FAM53B: variants seen among roughly 807,000 people sequenced by gnomAD.
FAM53B encodes the protein family with sequence similarity 53 member B.
Under a neutral mutation model 32.7 loss-of-function variants are expected in FAM53B, and 12 were observed. The observed-to-expected ratio is 0.37, with a 90% CI of 0.24 to 0.59. FAM53B has a LOEUF of 0.59. FAM53B is among the 20% of genes least tolerant of loss of function. The pLI, the probability that FAM53B is intolerant of heterozygous loss-of-function variation, is 0.72. For synonymous variants in FAM53B, 234 were observed against 228.7 expected (o/e 1.02, Z -0.21); for missense variants, 477 against 577.7 (o/e 0.83, Z 1.79).
At chr10:124,667,514 T>TC in intron 4 of FAM53B, 1 of 713,738 alleles carries the variant, frequency 1.4e-6, no homozygotes, top group Admixed American at 2.0e-5. Flanking sequence ...GGCCTGGCAC[T>TC]CCACCTGTGT....
Position 124,699,862 on chromosome 10 carries a change from G to A in FAM53B, c.79-3650C>T, listed in dbSNP as rs113658626. ...CTGCCCGTGAGCACCTGCTTCTAAA[G>A]TCCTCCCAGCTGCTCCCACCCTGCC... On this transcript the variant is annotated intron_variant, in intron 2 of 4. Transcript: ENST00000337318. Among the ~76,000 whole-genome samples, 1,499 of 152,312 alleles carry A rather than the reference G, an allele frequency of 9.8e-3. 27 individuals are homozygous for A. Among genetic ancestry groups the A allele is most frequent in the African/African-American group, 0.034 (1,431 of 41,558 alleles).
At chr10:124,715,694 T>G (rs1950034977) in intron 1 of FAM53B, among the ~76,000 whole-genome samples, 1 of 152,216 alleles carries the variant, frequency 6.6e-6, no homozygotes, top group Admixed American at 6.5e-5. Flanking sequence ...GCACTGAACT[T>G]GAGTCCACGC....
chr10:124,696,260 T>C lies in FAM53B; in HGVS notation c.79-48A>G, dbSNP rs750654168. On this transcript the variant is annotated intron_variant, in intron 2 of 4. Transcript: ENST00000337318. ...TTCACTCTTCAAATCATAGGAAGCA[T>C]GTTTGCACTGACTCTACTGATCCCT... 8.7e-6 allele frequency: 13 copies of C among 1,487,698 alleles called. No homozygotes were observed. In the South Asian group the frequency reaches 1.1e-4, roughly 13 times the overall value. 92.2% of individuals were successfully genotyped at this position (1,487,698 alleles called of 1,614,324 possible). A position where few individuals can be genotyped will look rare whatever the true frequency, so the allele number is the denominator to read the frequency against.
chr10:124,730,501 T>C (rs1950135743), intron 1 of FAM53B, among the ~76,000 whole-genome samples: 1 of 152,240 alleles, frequency 6.6e-6, no homozygotes, highest in Non-Finnish European at 1.5e-5. Context: ...TTTTCAATTC[T>C]GTGTTTTGGG....
Position 124,623,531 on chromosome 10 carries a change from G to C in FAM53B, c.980C>G (p.Ala327Gly). The C allele has an allele frequency of 1.3e-6, 2 of 1,555,502 alleles. No individual in the cohort carries two copies. Among genetic ancestry groups the C allele is most frequent in the Non-Finnish European group, 1.7e-6 (2 of 1,151,454 alleles). ...GGCCCTGGTGTTGCTGACGTGGCGG[G>C]CGAAGGGGCTCTGGGGACCGCAGTC... ...TEDCGPQSPF[A>G]RHVSNTRAWT... Residue 327 changes from alanine to glycine, a missense_variant, in exon 5 of 5, where the codon GCC (alanine) becomes GGC (glycine). Physicochemically the swap from Ala to Gly is moderately conservative, Grantham distance 60. Around this residue, in one of 2 missense-constraint regions of FAM53B, gnomAD observed 165 missense variants for 157.5 expected, o/e 1.05. Coordinates refer to ENST00000337318, the MANE Select transcript of FAM53B (RefSeq NM_014661.4).
At chr10:124,638,028 A>AT (rs1310111310) in intron 4 of FAM53B, among the ~76,000 whole-genome samples, 1 of 152,196 alleles carries the variant, frequency 6.6e-6, no homozygotes, top group African/African-American at 2.4e-5. Flanking sequence ...AGGTGGCTGA[A>AT]TGAAGGACTG....
At chr10:124,710,422 T>A (rs1949993232) in intron 1 of FAM53B, among the ~76,000 whole-genome samples, 1 of 152,200 alleles carries the variant, frequency 6.6e-6, no homozygotes, top group South Asian at 2.1e-4. Flanking sequence ...GTGAGGCGAA[T>A]CCAGACCAGC....
intron 3 of FAM53B, among the ~76,000 whole-genome samples, chr10:124,694,039 C>G (rs1359137351): frequency 6.6e-6 from 1 of 152,334 alleles, no homozygotes; most frequent in Middle Eastern, 3.4e-3. Context: ...GGCCGACCAA[C>G]AGAAAGATGA....
At chr10:124,689,281 A>G (rs1949819782) in intron 3 of FAM53B, among the ~76,000 whole-genome samples, 1 of 152,200 alleles carries the variant, frequency 6.6e-6, no homozygotes, top group Non-Finnish European at 1.5e-5. Flanking sequence ...TGGGGGGGAC[A>G]CAAGCAGGGC....
rs1361655448 is a variant in FAM53B at position 124,681,953 on chromosome 10, T to G, written c.560A>C (p.His187Pro). 6.2e-7 allele frequency: 1 copy of G among 1,613,912 alleles called. No homozygotes were observed. Among genetic ancestry groups the G allele is most frequent in the East Asian group, 2.2e-5 (1 of 44,880 alleles). ...GCAGGGCTGCCCTCCAAATCGGTGGTGGAGTCCTGCCTGGTCGCAGGGTGA... is the reference window on the plus strand; with the variant it reads ...GCAGGGCTGCCCTCCAAATCGGTGGGGGAGTCCTGCCTGGTCGCAGGGTGA... The part of the protein sequence containing the change: ...LSSPCDQAGL[H>P]HRFGGQPCQG... Residue 187 changes from histidine to proline, a missense_variant, in exon 4 of 5, where the codon CAC (histidine) becomes CCC (proline). Transcript: ENST00000337318.
chr10:124,627,363 G>A (rs1484560101), intron 4 of FAM53B, among the ~76,000 whole-genome samples: 1 of 152,268 alleles, frequency 6.6e-6, no homozygotes, highest in Non-Finnish European at 1.5e-5. Flanking sequence ...ACACTGCACA[G>A]GCAAGTTGGA....
chr10:124,693,513 G>A (rs1041063787), intron 3 of FAM53B, among the ~76,000 whole-genome samples: 31 of 151,412 alleles, frequency 2.0e-4, no homozygotes, highest in African/African-American at 7.0e-4. Flanking sequence ...ATGAAATCTC[G>A]CTGCCTGGGT....
chr10:124,698,923 C>T (rs889894943), intron 2 of FAM53B, among the ~76,000 whole-genome samples: 7 of 152,212 alleles, frequency 4.6e-5, no homozygotes, highest in Non-Finnish European at 8.8e-5. Flanking sequence ...AACCTGAGTA[C>T]CCCCAACCTT....
intron 1 of FAM53B, among the ~76,000 whole-genome samples, chr10:124,721,219 A>C (rs1200543282): frequency 1.3e-5 from 2 of 152,158 alleles, no homozygotes; most frequent in Non-Finnish European, 2.9e-5. Flanking sequence ...AAAGTTCAGA[A>C]ATCTGCATCA....
chr10:124,651,349 G>A lies in FAM53B; in HGVS notation c.907-27745C>T, dbSNP rs923669102. On this transcript the variant is annotated intron_variant, in intron 4 of 4. Transcript: ENST00000337318. The surrounding 1 kb of genome is among the most constrained non-coding windows in gnomAD (Gnocchi z 5.2). ...GTGCAGAAGGAGGCTGGAGGGGTGC[G>A]GCTGAGCAGAGGGTGCTGCCTGGCA... Among the ~76,000 whole-genome samples the A allele has an allele frequency of 6.6e-6, 1 of 152,220 alleles. No homozygotes were observed. The highest frequency in any genetic ancestry group is 6.5e-5 in the Admixed American group (1 of 15,290).
At chr10:124,697,521 C>T (rs908716391) in intron 2 of FAM53B, among the ~76,000 whole-genome samples, 6 of 152,258 alleles carry the variant, frequency 3.9e-5, no homozygotes, top group South Asian at 2.1e-4. Context: ...ACAAGGTCAA[C>T]GCCGTGTTCA....
chr10:124,743,743 C>G (rs1564893866), intron 1 of FAM53B, among the ~76,000 whole-genome samples: 1 of 152,062 alleles, frequency 6.6e-6, no homozygotes, highest in Non-Finnish European at 1.5e-5. Flanking sequence ...CAGGCTTGTT[C>G]TTCCCCATGC....
intron 4 of FAM53B, among the ~76,000 whole-genome samples, chr10:124,645,286 T>G (rs1949505352): frequency 1.3e-5 from 2 of 152,252 alleles, no homozygotes; most frequent in Admixed American, 1.3e-4. Flanking sequence ...GGAAAATCCC[T>G]TCTTCTCTTT....
chr10:124,645,415 A>G (rs1453212759), intron 4 of FAM53B, among the ~76,000 whole-genome samples: 1 of 152,116 alleles, frequency 6.6e-6, no homozygotes, highest in East Asian at 1.9e-4. Context: ...CCCCTGAGAC[A>G]GGCTCTAGGG....
Sources: gnomAD v4.1 joint callset for allele counts (sites outside exome capture counted in the v4.1 genomes callset) on GRCh38, gnomAD v4.1.1 for gene constraint, gnomAD v4.1.1 regional missense constraint, Gnocchi (gnomAD v3.1) non-coding constraint, MANE v1.5 for transcripts, NCBI Gene and HGNC (gene_info 2026-07-23, HGNC 2026-07-21) for gene names.